Variants in TECPR1 observed in about 807,000 individuals in gnomAD.
TECPR1 encodes the protein tectonin beta-propeller repeat-containing protein 1.
Under a neutral mutation model 162.4 loss-of-function variants are expected in TECPR1, and 122 were observed. That is an observed-to-expected ratio of 0.75 (90% CI 0.65 to 0.87). TECPR1 has a LOEUF of 0.87. Ranked by LOEUF, TECPR1 falls within the 40% of genes least tolerant of loss-of-function variation. The probability of loss-of-function intolerance (pLI) is 0.00; values close to 1 mark genes in which losing one functional copy is unlikely to be tolerated. For missense variants in TECPR1, 1,432 were observed against 1,618.2 expected (o/e 0.88, Z 1.97); for synonymous variants, 642 against 670.6 (o/e 0.96, Z 0.66).
At chr7:98,231,545 AC>A in intron 13 of TECPR1, 172 bp from the exon 14 acceptor site, 1 of 259,810 alleles carries the variant, frequency 3.8e-6, no homozygotes, top group Admixed American at 9.3e-5. Context: ...CTCCCCAGGC[AC>A]CCCCATTTCT....
intron 6 of TECPR1, among the ~76,000 whole-genome samples, chr7:98,242,920 A>C (rs1257447770): frequency 7.6e-5 from 8 of 104,814 alleles, no homozygotes; most frequent in Non-Finnish European, 3.9e-5. Flanking sequence ...ACCCATCCAC[A>C]CACCCATCCG....
In TECPR1 at chr7:98,223,255, G is replaced by A. The variant is rs534205496; in HGVS notation, c.2748-85C>T. The stretch of plus-strand genomic sequence containing the variant: ...CCTCTGCCTCTGGAGCCAGGAGGAG[G>A]AAAGCAGCCAACCCCGGGGCGGGTA... On this transcript the variant is annotated intron_variant, in intron 20 of 25. Transcript: ENST00000447648. 4 of 1,383,424 alleles carry A rather than the reference G, an allele frequency of 2.9e-6. No individual in the cohort carries two copies. In the East Asian group the frequency reaches 7.5e-5, roughly 26 times the overall value. The allele number at this position is 1,383,424 out of a possible 1,614,324, so 85.7% of individuals were successfully genotyped here.
At chr7:98,222,249 G>A (rs772525817) in intron 22 of TECPR1, 137 bp downstream of exon 22, 13 of 1,273,734 alleles carry the variant, frequency 1.0e-5, no homozygotes, top group South Asian at 1.5e-5. Flanking sequence ...CTCCCAGTCA[G>A]TCCCAGTGGG....
chr7:98,239,571 A>C (rs1467532723), intron 8 of TECPR1, among the ~76,000 whole-genome samples: 1 of 152,092 alleles, frequency 6.6e-6, no homozygotes, highest in Non-Finnish European at 1.5e-5. Flanking sequence ...AAAAATAAAA[A>C]AAAGAAATCC....
In TECPR1 at chr7:98,231,079, C is replaced by T. The variant is rs1276627987; in HGVS notation, c.2164G>A (p.Val722Met). Reference protein sequence around the residue: ...LSLSCCESRKVQGRPSPQAIW... With the variant: ...LSLSCCESRKMQGRPSPQAIW... ...GCCTGCGGGGACGGGCGGCCCTGCA[C>T]CTTCCGGCTCTCGCAGCAAGACAGG... is the stretch of plus-strand genomic sequence containing the variant. The change falls in exon 15 of 26, where the codon GTG becomes ATG. Residue 722 changes from valine (V) to methionine (M), a missense_variant. Coordinates refer to ENST00000447648, the MANE Select transcript of TECPR1 (RefSeq NM_015395.3). 4 of 1,606,816 alleles carry T rather than the reference C, an allele frequency of 2.5e-6. No individual in the cohort carries two copies. The South Asian group carries it at 3.3e-5, about 13-fold the overall frequency.
intron 5 of TECPR1, 43 bp from the exon 6 acceptor site, chr7:98,243,635 G>A (rs1275988433): frequency 6.3e-7 from 1 of 1,590,552 alleles, no homozygotes. Flanking sequence ...AGCGCCCAGT[G>A]GGCACCTGGG....
chr7:98,238,573 C>G lies in TECPR1; in HGVS notation c.971G>C (p.Cys324Ser), dbSNP rs1313154121. Reference sequence around the variant, plus strand: ...AACCATCTCAATCCAACTGGTGCCGCAGGGATTGTGAGAGTTGACGCCTCT... The same window carrying G: ...AACCATCTCAATCCAACTGGTGCCGGAGGGATTGTGAGAGTTGACGCCTCT... ...FRRGVNSHNP[C>S]GTSWIEMVGE... The change falls in exon 9 of 26, where the codon TGC becomes TCC. Residue 324 changes from cysteine (C) to serine (S), a missense_variant. Physicochemically the swap from Cys to Ser is moderately radical, Grantham distance 112 (BLOSUM62 -1). Coordinates refer to ENST00000447648, the MANE Select transcript of TECPR1 (RefSeq NM_015395.3). 6.4e-7 allele frequency: 1 copy of G among 1,574,204 alleles called. No homozygotes were observed. Among genetic ancestry groups the G allele is most frequent in the South Asian group, 1.2e-5 (1 of 85,340 alleles).
At chr7:98,226,168 C>T (rs1337294327) in intron 17 of TECPR1, among the ~76,000 whole-genome samples, 1 of 152,132 alleles carries the variant, frequency 6.6e-6, no homozygotes, top group African/African-American at 2.4e-5. Context: ...CTGAGGAGGA[C>T]GTGAGGAGGG....
intron 16 of TECPR1, among the ~76,000 whole-genome samples, 193 bp from the exon 17 acceptor site, chr7:98,228,309 G>A (rs753336255): frequency 2.0e-5 from 3 of 152,270 alleles, no homozygotes; most frequent in South Asian, 2.1e-4. Context: ...CTCCGGGACC[G>A]TGATTATTCT....
Position 98,233,503 on chromosome 7 carries a change from G to A in TECPR1, c.1590C>T (p.Asp530=). Reference sequence around the variant, plus strand: ...CCGACACCCAGGCCCACAGCGGGTGGTCATCCACCCCATACGGCTCCTCCA... The same window carrying A: ...CCGACACCCAGGCCCACAGCGGGTGATCATCCACCCCATACGGCTCCTCCA... ...LGLEEPYGVD[D]HPLWAWVSGG... The change falls in exon 11 of 26, where the codon GAC becomes GAT. Residue 530 remains aspartate (D), a synonymous_variant. Coordinates refer to ENST00000447648, the MANE Select transcript of TECPR1 (RefSeq NM_015395.3). 6.6e-7 allele frequency: 1 copy of A among 1,521,540 alleles called. No individual in the cohort carries two copies. Among genetic ancestry groups the A allele is most frequent in the Non-Finnish European group, 8.8e-7 (1 of 1,137,564 alleles). 94.3% of individuals were successfully genotyped at this position (1,521,540 alleles called of 1,614,324 possible). A position where few individuals can be genotyped will look rare whatever the true frequency, so the allele number is the denominator to read the frequency against.
In TECPR1 at chr7:98,217,406, C is replaced by T; in HGVS notation, c.3482G>A (p.Gly1161Asp). 1 of 1,597,826 alleles carries T rather than the reference C, an allele frequency of 6.3e-7. No individual in the cohort carries two copies. The highest frequency in any genetic ancestry group is 8.5e-7 in the Non-Finnish European group (1 of 1,172,548). The change falls in exon 26 of 26, where the codon GGC (glycine) becomes GAC (aspartate). Residue 1161 changes from glycine (G) to aspartate (D), a missense_variant. By Grantham distance (94) the Gly-to-Asp change is moderately conservative (BLOSUM62 -1). Transcript: ENST00000447648. ...GGGGGGGCCTCAGCAGCAGACGGGG[C>T]CATGGGCCTCTGGTGGGGCACTCGG... ...QEPSAPPEAH[G>D]PVCC
chr7:98,249,681 G>A (rs1214924058), intron 2 of TECPR1, among the ~76,000 whole-genome samples: 3 of 152,174 alleles, frequency 2.0e-5, no homozygotes, highest in African/African-American at 7.2e-5. Context: ...TGGGCGTGGT[G>A]GCTCATGCCT....
Position 98,241,370 on chromosome 7 carries a change from C to T in TECPR1, c.658-126G>A. Reference sequence around the variant, plus strand: ...CCGTCCAGATCTCACTCCCTGCCCCCTACCCCGGCCAAAAAACGCAAACCC... The same window carrying T: ...CCGTCCAGATCTCACTCCCTGCCCCTTACCCCGGCCAAAAAACGCAAACCC... On this transcript the variant is annotated intron_variant, in intron 6 of 25. Coordinates refer to ENST00000447648, the MANE Select transcript of TECPR1 (RefSeq NM_015395.3). The surrounding 1 kb of genome is among the most constrained non-coding windows in gnomAD (Gnocchi z 5.0). The T allele has an allele frequency of 8.4e-7, 1 of 1,194,404 alleles. No individual in the cohort carries two copies. The highest frequency in any genetic ancestry group is 1.2e-6 in the Non-Finnish European group (1 of 851,614). The allele number at this position is 1,194,404 out of a possible 1,614,324, so 74.0% of individuals were successfully genotyped here.
rs1467422208 is a variant in TECPR1 at position 98,223,157 on chromosome 7, C to T, written c.2761G>A (p.Val921Met). The T allele has an allele frequency of 6.2e-7, 1 of 1,601,258 alleles. No homozygotes were observed. The highest frequency in any genetic ancestry group is 8.5e-7 in the Non-Finnish European group (1 of 1,174,526). Residue 921 changes from valine (V) to methionine (M), a missense_variant, in exon 21 of 26, where the codon GTG becomes ATG. Transcript: ENST00000447648. ...RRCWARKCKL[V>M]TSGPWLEVPP... ...ACCTCCAGCCAGGGCCCACTGGTCA[C>T]CAGCTTGCATTTTCTGTACAGTGGA... is the stretch of plus-strand genomic sequence containing the variant.
chr7:98,237,648 T>C (rs2116598953), intron 9 of TECPR1, among the ~76,000 whole-genome samples: 1 of 152,304 alleles, frequency 6.6e-6, no homozygotes, highest in South Asian at 2.1e-4. Flanking sequence ...TTTGTATTTT[T>C]AGTAGACACA....
chr7:98,242,930 G>GCACCCACCCACCCACCCACTCA (rs1798799660), intron 6 of TECPR1, among the ~76,000 whole-genome samples: 1 of 5,498 alleles, frequency 1.8e-4, no homozygotes, highest in Non-Finnish European at 4.5e-4. Flanking sequence ...ACACCCATCC[G>GCACCCACCCACCCACCCACTCA]CCCATCCACA....
chr7:98,226,481 T>C, intron 17 of TECPR1: 1 of 1,018,512 alleles, frequency 9.8e-7, no homozygotes, highest in Non-Finnish European at 1.2e-6. Context: ...TCCCTGTGCC[T>C]GGCCTTGTCT....
At position 98,231,013 on chromosome 7, in the gene TECPR1, C is replaced by T. The variant is rs780274651; in HGVS notation, c.2230G>A (p.Glu744Lys). The stretch of plus-strand genomic sequence containing the variant: ...TGGGCCTCCAGGTCTGGGCTGGGCT[C>T]GCTCACGAAGATGTCCCCCTTGCAG... ...ITCKGDIFVS[E>K]PSPDLEAHEH... The change falls in exon 15 of 26, where the codon GAG (glutamate) becomes AAG (lysine). Residue 744 changes from glutamate to lysine, a missense_variant. Coordinates refer to ENST00000447648, the MANE Select transcript of TECPR1 (RefSeq NM_015395.3). 8.7e-6 allele frequency: 14 copies of T among 1,612,852 alleles called. No homozygotes were observed. The highest frequency in any genetic ancestry group is 1.3e-5 in the African/African-American group (1 of 74,998).
rs752626851 is a variant in TECPR1, at chr7:98,222,441, C to T, written c.3009G>A (p.Val1003=). 1 of 1,595,700 alleles carries T rather than the reference C, an allele frequency of 6.3e-7. No individual in the cohort carries two copies. The highest frequency in any genetic ancestry group is 8.5e-7 in the Non-Finnish European group (1 of 1,172,144). Residue 1003 remains valine, a synonymous_variant, in exon 22 of 26, where the codon GTG becomes GTA. Transcript: ENST00000447648. ...GGTAGAAGGCGGAGCCGTCCCTTGCCACGGCCCACACCTGGTAGCAGGCCC... is the reference window on the plus strand; with the variant it reads ...GGTAGAAGGCGGAGCCGTCCCTTGCTACGGCCCACACCTGGTAGCAGGCCC... ...SIGACYQVWA[V]ARDGSAFYRG...
Sources: allele counts gnomAD v4.1 joint callset (sites outside exome capture counted in the v4.1 genomes callset), GRCh38; gene constraint gnomAD v4.1.1; non-coding constraint Gnocchi (gnomAD v3.1); transcripts MANE v1.5; gene names NCBI Gene and HGNC (gene_info 2026-07-23, HGNC 2026-07-21).